The following GJD4 variants were observed in gnomAD, a reference collection of about 807,000 sequenced individuals.
GJD4 encodes the protein gap junction protein delta 4, also known as gap junction delta-4 protein.
Under a neutral mutation model 17.9 loss-of-function variants are expected in GJD4, and 18 were observed. The ratio of observed to expected loss-of-function variants is 1.00; its 90% CI spans 0.69 to 1.49. The LOEUF is 1.49. Ranked by LOEUF, GJD4 falls within the 40% of genes most tolerant of loss-of-function variation. The pLI is 0.00. For synonymous variants in GJD4, 293 were observed against 236.8 expected, an observed-to-expected ratio of 1.24 and a Z score of -2.18; for missense variants, 639 against 506.9, an observed-to-expected ratio of 1.26 and a Z score of -2.50.
chr10:35,608,294 G>C lies in GJD4; in HGVS notation c.781G>C (p.Gly261Arg). 6.4e-7 allele frequency: 1 copy of C among 1,553,158 alleles called. No individual in the cohort carries two copies. Among genetic ancestry groups the C allele is most frequent in the Non-Finnish European group, 8.7e-7 (1 of 1,152,244 alleles). The change falls in exon 2 of 2, where the codon GGG (glycine) becomes CGG (arginine). Residue 261 changes from glycine to arginine, a missense_variant. Physicochemically the swap from Gly to Arg is moderately radical, Grantham distance 125 (BLOSUM62 -2). Coordinates refer to ENST00000321660, the MANE Select transcript of GJD4 (RefSeq NM_153368.3). ...CGAGGAGGGTGGGCGGGAGGAAGAG[G>C]GGGCACCGGCGCCCCCGGGTGCACG... is the stretch of plus-strand genomic sequence containing the variant. ...TDEEGGREEE[G>R]APAPPGARAG...
In GJD4 at chr10:35,607,655, G is replaced by C. The variant is rs775109021; in HGVS notation, c.142G>C (p.Glu48Gln). ...VLAGRPVYQD[E>Q]QERFVCNTLQ... Reference sequence around the variant, plus strand: ...GGCGGGGCGACCCGTCTACCAGGACGAGCAGGAGAGGTTTGTCTGCAACAC... The same window carrying C: ...GGCGGGGCGACCCGTCTACCAGGACCAGCAGGAGAGGTTTGTCTGCAACAC... Residue 48 changes from glutamate (E) to glutamine (Q), a missense_variant, in exon 2 of 2, where the codon GAG becomes CAG. Transcript: ENST00000321660. The C allele has an allele frequency of 1.5e-5, 25 of 1,614,098 alleles. No individual in the cohort carries two copies. Among genetic ancestry groups the C allele is most frequent in the East Asian group, 2.2e-5 (1 of 44,898 alleles).
In GJD4 at chr10:35,607,938, G is replaced by T; in HGVS notation, c.425G>T (p.Gly142Val). The part of the protein sequence containing the change: ...GGLQVPDFSA[G>V]YIIHLLLRTL... Reference sequence around the variant, plus strand: ...CTCCAGGTGCCCGACTTTTCGGCCGGCTACATCATCCACCTCCTCCTCCGG... The same window carrying T: ...CTCCAGGTGCCCGACTTTTCGGCCGTCTACATCATCCACCTCCTCCTCCGG... The change falls in exon 2 of 2, where the codon GGC (glycine) becomes GTC (valine). Residue 142 changes from glycine (G) to valine (V), a missense_variant. Physicochemically the swap from Gly to Val is moderately radical, Grantham distance 109. Coordinates refer to ENST00000321660, the MANE Select transcript of GJD4 (RefSeq NM_153368.3). 3 of 1,608,096 alleles carry T rather than the reference G, an allele frequency of 1.9e-6. No homozygotes were observed. Among genetic ancestry groups the T allele is most frequent in the Non-Finnish European group, 2.5e-6 (3 of 1,179,024 alleles).
At position 35,607,623 on chromosome 10, in the gene GJD4, T is replaced by C; in HGVS notation, c.110T>C (p.Ile37Thr). The C allele has an allele frequency of 6.2e-7, 1 of 1,614,192 alleles. No individual in the cohort carries two copies. Among genetic ancestry groups the C allele is most frequent in the Non-Finnish European group, 8.5e-7 (1 of 1,180,026 alleles). ...VLTMLLRMLV[I>T]VLAGRPVYQD... is the part of the protein sequence containing the mutation. ...ACGATGCTGCTGCGGATGCTGGTGA[T>C]TGTCTTGGCGGGGCGACCCGTCTAC... The change falls in exon 2 of 2, where the codon ATT (isoleucine) becomes ACT (threonine). Residue 37 changes from isoleucine (I) to threonine (T), a missense_variant. By Grantham distance (89) the Ile-to-Thr change is moderately conservative. Coordinates refer to ENST00000321660, the MANE Select transcript of GJD4 (RefSeq NM_153368.3).
rs1564470781 is a variant in GJD4 at position 35,607,689 on chromosome 10, C to T, written c.176C>T (p.Pro59Leu). 6.2e-7 allele frequency: 1 copy of T among 1,614,146 alleles called. No homozygotes were observed. The highest frequency in any genetic ancestry group is 8.5e-7 in the Non-Finnish European group (1 of 1,180,032). The change falls in exon 2 of 2, where the codon CCG becomes CTG. Residue 59 changes from proline (P) to leucine (L), a missense_variant. By Grantham distance (98) the Pro-to-Leu change is moderately conservative. Transcript: ENST00000321660. ...AGGTTTGTCTGCAACACGCTGCAGC[C>T]GGGATGCGCCAATGTTTGCTACGAC... ...QERFVCNTLQPGCANVCYDVF... is the reference protein window; with the variant it reads ...QERFVCNTLQLGCANVCYDVF...
intron 1 of GJD4, chr10:35,606,872 G>C (rs1835463404): frequency 6.6e-6 from 1 of 152,108 alleles, no homozygotes; most frequent in South Asian, 2.1e-4. Flanking sequence ...GAGGAATTCT[G>C]AATGATTAAA....
Position 35,608,591 on chromosome 10 carries a change from C to T in GJD4, c.1078C>T (p.Pro360Ser), listed in dbSNP as rs777068787. ...CCCGCCTGCCAGCTCCAGTGGTGCT[C>T]CCCACCTGAGAGCCAGGAAGTCTGA... ...PDPPASSSGAPHLRARKSEWV is the reference protein window; with the variant it reads ...PDPPASSSGASHLRARKSEWV Residue 360 changes from proline to serine, a missense_variant, in exon 2 of 2, where the codon CCC (proline) becomes TCC (serine). Coordinates refer to ENST00000321660, the MANE Select transcript of GJD4 (RefSeq NM_153368.3). The T allele has an allele frequency of 6.5e-6, 10 of 1,529,254 alleles. No individual in the cohort carries two copies. The highest frequency in any genetic ancestry group is 6.3e-5 in the South Asian group (5 of 79,842). The allele number at this position is 1,529,254 out of a possible 1,614,324, so 94.7% of individuals were successfully genotyped here.
Position 35,608,309 on chromosome 10 carries a change from C to A in GJD4, c.796C>A (p.Pro266Thr). Residue 266 changes from proline to threonine, a missense_variant, in exon 2 of 2, where the codon CCG becomes ACG. Physicochemically the swap from Pro to Thr is conservative, Grantham distance 38. Coordinates refer to ENST00000321660, the MANE Select transcript of GJD4 (RefSeq NM_153368.3). ...GREEEGAPAPPGARAGGEGAG... is the reference protein window; with the variant it reads ...GREEEGAPAPTGARAGGEGAG... ...GGAGGAAGAGGGGGCACCGGCGCCCCCGGGTGCACGCGCCGGAGGGGAGGG... is the reference window on the plus strand; with the variant it reads ...GGAGGAAGAGGGGGCACCGGCGCCCACGGGTGCACGCGCCGGAGGGGAGGG... The A allele has an allele frequency of 1.3e-6, 2 of 1,548,384 alleles. No homozygotes were observed. Among genetic ancestry groups the A allele is most frequent in the Non-Finnish European group, 1.7e-6 (2 of 1,148,676 alleles).
intron 1 of GJD4, chr10:35,606,774 A>G (rs1039124157): frequency 5.3e-5 from 8 of 152,194 alleles, no homozygotes; most frequent in Non-Finnish European, 8.8e-5. Context: ...CTTGACAGTT[A>G]TTTTGGTTTT....
chr10:35,607,874 C>A lies in GJD4; in HGVS notation c.361C>A (p.Gln121Lys), dbSNP rs974565197. Residue 121 changes from glutamine (Q) to lysine (K), a missense_variant, in exon 2 of 2, where the codon CAG (glutamine) becomes AAG (lysine). Coordinates refer to ENST00000321660, the MANE Select transcript of GJD4 (RefSeq NM_153368.3). Reference sequence around the variant, plus strand: ...CGACCCCCGGGAGCCGGCCTCCGGGCAGAGACGCTGCCCGCGGCCATTCGG... The same window carrying A: ...CGACCCCCGGGAGCCGGCCTCCGGGAAGAGACGCTGCCCGCGGCCATTCGG... Reference protein sequence around the residue: ...CPDPREPASGQRRCPRPFGER... With the variant: ...CPDPREPASGKRRCPRPFGER... The A allele has an allele frequency of 1.1e-5, 18 of 1,595,504 alleles. No homozygotes were observed. The highest frequency in any genetic ancestry group is 1.4e-5 in the Non-Finnish European group (17 of 1,175,962).
rs752161045 is a variant in GJD4 at position 35,608,209 on chromosome 10, A to G, written c.696A>G (p.Thr232=). The G allele has an allele frequency of 1.0e-5, 16 of 1,589,570 alleles. No individual in the cohort carries two copies. The Admixed American group carries it at 1.6e-4, about 15-fold the overall frequency. Residue 232 remains threonine (T), a synonymous_variant, in exon 2 of 2, where the codon ACA becomes ACG. Coordinates refer to ENST00000321660, the MANE Select transcript of GJD4 (RefSeq NM_153368.3). ...RRMRRRPGPP[T]SPSIRKQSGA... ...TGCGCAGGAGGCCGGGACCCCCCAC[A>G]AGCCCCTCCATCCGGAAGCAGAGCG...
rs968716512 is a variant in GJD4, at chr10:35,608,414, T to C, written c.901T>C (p.Ser301Pro). Residue 301 changes from serine to proline, a missense_variant, in exon 2 of 2, where the codon TCC becomes CCC. By Grantham distance (74) the Ser-to-Pro change is moderately conservative. Coordinates refer to ENST00000321660, the MANE Select transcript of GJD4 (RefSeq NM_153368.3). ...PDEDESEVTS[S>P]ASEKLGRQPR... Reference sequence around the variant, plus strand: ...TGAGGATGAGAGTGAGGTGACATCCTCCGCCAGCGAAAAGCTGGGCAGACA... The same window carrying C: ...TGAGGATGAGAGTGAGGTGACATCCCCCGCCAGCGAAAAGCTGGGCAGACA... The C allele has an allele frequency of 5.8e-6, 9 of 1,549,120 alleles. No homozygotes were observed. The African/African-American group carries it at 8.2e-5, about 14-fold the overall frequency.
intron 1 of GJD4, chr10:35,605,925 C>T (rs1835450096): frequency 4.9e-6 from 2 of 411,570 alleles, no homozygotes; most frequent in East Asian, 8.8e-5. Context: ...CTCCAAAGAC[C>T]AAAGCAGGTG....
rs992228596 is a variant in GJD4 at position 35,608,150 on chromosome 10, C to T, written c.637C>T (p.Leu213Phe). The change falls in exon 2 of 2, where the codon CTC (leucine) becomes TTC (phenylalanine). Residue 213 changes from leucine to phenylalanine, a missense_variant. Transcript: ENST00000321660. The stretch of plus-strand genomic sequence containing the variant: ...CAGCGCGCTGTCTTTTCTGCTGGGC[C>T]TCGCCGACCTGGTCTGCAGCCTGCG... The part of the protein sequence containing the change: ...AVSALSFLLG[L>F]ADLVCSLRRR... 3 of 1,606,722 alleles carry T rather than the reference C, an allele frequency of 1.9e-6. No homozygotes were observed. Among genetic ancestry groups the T allele is most frequent in the South Asian group, 2.2e-5 (2 of 90,328 alleles).
In GJD4 at chr10:35,605,645, C is replaced by T. The variant is rs1420567607; in HGVS notation, c.64+14C>T. On this transcript the variant is annotated intron_variant, in intron 1 of 1. Transcript: ENST00000321660. Reference sequence around the variant, plus strand: ...TGACCATGGTGGGTGAGTATTGGGACCATCTCCAAACTCCTGCGCTGTTTT... The same window carrying T: ...TGACCATGGTGGGTGAGTATTGGGATCATCTCCAAACTCCTGCGCTGTTTT... 2.5e-6 allele frequency: 4 copies of T among 1,599,134 alleles called. No individual in the cohort carries two copies. Among genetic ancestry groups the T allele is most frequent in the Non-Finnish European group, 3.4e-6 (4 of 1,166,336 alleles).
At chr10:35,606,259 A>G (rs1835453548) in intron 1 of GJD4, 1 of 152,228 alleles carries the variant, frequency 6.6e-6, no homozygotes, top group African/African-American at 2.4e-5. Context: ...GTTAGCCAGG[A>G]TGGTCTCGAT....
intron 1 of GJD4, 79 bp downstream of exon 1, chr10:35,605,710 C>T: frequency 8.9e-7 from 1 of 1,127,598 alleles, no homozygotes; most frequent in Admixed American, 1.8e-5. Flanking sequence ...CTTAAAGGGT[C>T]CAGGTATTTA....
At position 35,608,737 on chromosome 10, in the gene GJD4, G is replaced by A; in HGVS notation, c.*111G>A. On this transcript the variant is annotated 3_prime_UTR_variant, in exon 2 of 2. Coordinates refer to ENST00000321660, the MANE Select transcript of GJD4 (RefSeq NM_153368.3). The stretch of plus-strand genomic sequence containing the variant: ...TATATCTCCTTGCCCAAGAGTTTGA[G>A]ACCAGCCTGGACAACATAATGAGAC... 1 of 737,716 alleles carries A rather than the reference G, an allele frequency of 1.4e-6. No individual in the cohort carries two copies. Among genetic ancestry groups the A allele is most frequent in the East Asian group, 3.0e-5 (1 of 33,024 alleles). 45.7% of individuals were successfully genotyped at this position (737,716 alleles called of 1,614,324 possible).
At chr10:35,607,301 A>G (rs978129788) in intron 1 of GJD4, 9 of 489,354 alleles carry the variant, frequency 1.8e-5, no homozygotes, top group Non-Finnish European at 3.3e-5. Context: ...AGTAAAGACA[A>G]GCTGACAGGT....
chr10:35,608,011 A>G lies in GJD4; in HGVS notation c.498A>G (p.Gly166=). ...GGGCCTTGCACTACTTTCTCTTTGG[A>G]TTCCTGGCCCCGAAGAAGTTCCCTT... ...AFGALHYFLF[G]FLAPKKFPCT... Residue 166 remains glycine (G), a synonymous_variant, in exon 2 of 2, where the codon GGA becomes GGG. Transcript: ENST00000321660. 1 of 1,611,628 alleles carries G rather than the reference A, an allele frequency of 6.2e-7. No homozygotes were observed. Among genetic ancestry groups the G allele is most frequent in the Non-Finnish European group, 8.5e-7 (1 of 1,179,432 alleles).
Sources: gnomAD v4.1 joint callset for allele counts on GRCh38, gnomAD v4.1.1 for gene constraint, MANE v1.5 for transcripts, NCBI Gene and HGNC (gene_info 2026-07-23, HGNC 2026-07-21) for gene names.